ZNF716: variants seen among roughly 807,000 people sequenced by gnomAD.
ZNF716 encodes zinc finger protein 716.
In ZNF716, 9 loss-of-function variants were observed where a neutral mutation model predicts 13.4. That is an observed-to-expected ratio of 0.67 (90% CI 0.41 to 1.18). The LOEUF (loss-of-function observed/expected upper bound fraction) is 1.18, where lower values mean the gene tolerates loss of function less well. Ranked by LOEUF, ZNF716 falls within the 50% of genes most tolerant of loss-of-function variation. The pLI, the probability that ZNF716 is intolerant of heterozygous loss-of-function variation, is 0.01. For missense variants in ZNF716, 581 were observed against 576.6 expected, an observed-to-expected ratio of 1.01 and a Z score of -0.08; for synonymous variants, 186 against 195.2, an observed-to-expected ratio of 0.95 and a Z score of 0.39.
At chr7:57,464,518 C>G (rs868915118) in intron 3 of ZNF716, among the ~76,000 whole-genome samples, 1 of 151,964 alleles carries the variant, frequency 6.6e-6, no homozygotes, top group Non-Finnish European at 1.5e-5. Context: ...ATGTGATTTT[C>G]AAATATTGTC....
intron 3 of ZNF716, among the ~76,000 whole-genome samples, chr7:57,467,872 C>A (rs1320838815): frequency 5.3e-5 from 8 of 151,614 alleles, no homozygotes; most frequent in Non-Finnish European, 1.0e-4. Context: ...TATGGATTAT[C>A]TTATATTTTT....
rs781992666 is a variant in ZNF716, at chr7:57,468,935, G to A, written c.474G>A (p.Gln158=). The change falls in exon 4 of 4, where the codon CAG becomes CAA. Residue 158 remains glutamine (Q), a synonymous_variant. Transcript: ENST00000420713. ...CLSATQNKTF[Q]THKCVKVFGK... Reference sequence around the variant, plus strand: ...CAGCTACCCAAAACAAAACATTTCAGACTCATAAATGCGTCAAAGTCTTTG... The same window carrying A: ...CAGCTACCCAAAACAAAACATTTCAAACTCATAAATGCGTCAAAGTCTTTG... The A allele has an allele frequency of 1.2e-6, 2 of 1,611,482 alleles. No individual in the cohort carries two copies. The highest frequency in any genetic ancestry group is 3.4e-5 in the Admixed American group (2 of 59,374).
At position 57,470,002 on chromosome 7, in the gene ZNF716, G is replaced by A; in HGVS notation, c.*53G>A. ...ATAATACATAAAATAATTTATACTG[G>A]AAAAAATCACTACAAGTGTGGAGAA... On this transcript the variant is annotated 3_prime_UTR_variant, in exon 4 of 4. Coordinates refer to ENST00000420713, the MANE Select transcript of ZNF716 (RefSeq NM_001159279.1). The A allele has an allele frequency of 1.4e-6, 2 of 1,450,980 alleles. No homozygotes were observed. The allele number at this position is 1,450,980 out of a possible 1,614,324, so 89.9% of individuals were successfully genotyped here.
chr7:57,469,826 G>A lies in ZNF716; in HGVS notation c.1365G>A (p.Lys455=). The A allele has an allele frequency of 6.2e-7, 1 of 1,603,696 alleles. No individual in the cohort carries two copies. Among genetic ancestry groups the A allele is most frequent in the East Asian group, 2.3e-5 (1 of 44,354 alleles). The change falls in exon 4 of 4, where the codon AAG becomes AAA. Residue 455 remains lysine, a synonymous_variant. Transcript: ENST00000420713. Reference sequence around the variant, plus strand: ...TCTCCTCAACTCTAAATACTCATAAGAGGATTCATACTGGAGAGAAACCCT... The same window carrying A: ...TCTCCTCAACTCTAAATACTCATAAAAGGATTCATACTGGAGAGAAACCCT... ...FTFSSTLNTH[K]RIHTGEKPYK...
Position 57,450,230 on chromosome 7 carries a change from C to T in ZNF716, c.-59C>T. The T allele has an allele frequency of 6.2e-7, 1 of 1,611,840 alleles. No individual in the cohort carries two copies. Among genetic ancestry groups the T allele is most frequent in the Non-Finnish European group, 8.5e-7 (1 of 1,178,540 alleles). On this transcript the variant is annotated 5_prime_UTR_variant, in exon 1 of 4. Coordinates refer to ENST00000420713, the MANE Select transcript of ZNF716 (RefSeq NM_001159279.1). ...AGTCCTTCTCTTCACTGCTCTGCGTCCTCTGCTCCTGGAGGCCAAGCCTCT... is the reference window on the plus strand; with the variant it reads ...AGTCCTTCTCTTCACTGCTCTGCGTTCTCTGCTCCTGGAGGCCAAGCCTCT...
Position 57,469,063 on chromosome 7 carries a change from A to G in ZNF716, c.602A>G (p.Asn201Ser). 6.2e-7 allele frequency: 1 copy of G among 1,608,024 alleles called. No homozygotes were observed. Among genetic ancestry groups the G allele is most frequent in the Non-Finnish European group, 8.5e-7 (1 of 1,176,548 alleles). ...GKSFCMLSRL[N>S]QHQIIHTREK... ...TCATTTTGCATGCTTTCACGCCTAA[A>G]TCAACATCAGATAATTCATACTAGG... Residue 201 changes from asparagine (N) to serine (S), a missense_variant, in exon 4 of 4, where the codon AAT becomes AGT. Asn to Ser is a conservative substitution (Grantham distance 46, BLOSUM62 1). Coordinates refer to ENST00000420713, the MANE Select transcript of ZNF716 (RefSeq NM_001159279.1).
chr7:57,469,091 G>T lies in ZNF716; in HGVS notation c.630G>T (p.Glu210Asp), dbSNP rs1789868988. 1.9e-6 allele frequency: 3 copies of T among 1,608,390 alleles called. No homozygotes were observed. Among genetic ancestry groups the T allele is most frequent in the South Asian group, 1.1e-5 (1 of 90,652 alleles). Residue 210 changes from glutamate to aspartate, a missense_variant, in exon 4 of 4, where the codon GAG becomes GAT. Transcript: ENST00000420713. ...AACATCAGATAATTCATACTAGGGA[G>T]AAGTCTTACAAATGTGAAGAATGTG... ...LNQHQIIHTR[E>D]KSYKCEECGK...
intron 1 of ZNF716, among the ~76,000 whole-genome samples, chr7:57,453,426 G>T (rs1272049094): frequency 6.6e-5 from 10 of 152,124 alleles, no homozygotes; most frequent in Non-Finnish European, 1.2e-4. Context: ...CACTTCTTTC[G>T]ACTTAAGTTA....
Position 57,470,028 on chromosome 7 carries a change from T to G in ZNF716, c.*79T>G. 1 of 1,356,624 alleles carries G rather than the reference T, an allele frequency of 7.4e-7. No homozygotes were observed. Among genetic ancestry groups the G allele is most frequent in the Non-Finnish European group, 9.9e-7 (1 of 1,014,218 alleles). 84.0% of individuals were successfully genotyped at this position (1,356,624 alleles called of 1,614,324 possible). On this transcript the variant is annotated 3_prime_UTR_variant, in exon 4 of 4. Coordinates refer to ENST00000420713, the MANE Select transcript of ZNF716 (RefSeq NM_001159279.1). ...AAAAAATCACTACAAGTGTGGAGAA[T>G]GTGGCCAATTCTTTAACCAGTTCCA...
In ZNF716 at chr7:57,468,751, T is replaced by A; in HGVS notation, c.290T>A (p.Leu97His). Residue 97 changes from leucine to histidine, a missense_variant, in exon 4 of 4, where the codon CTT becomes CAT. Transcript: ENST00000420713. ...ACATGTTCTCATTTCACCCAAGACCTTCAGTCAGAGCAGGGCATAAAAGAT... is the reference window on the plus strand; with the variant it reads ...ACATGTTCTCATTTCACCCAAGACCATCAGTCAGAGCAGGGCATAAAAGAT... ...PVTCSHFTQD[L>H]QSEQGIKDSL... 1 of 1,611,594 alleles carries A rather than the reference T, an allele frequency of 6.2e-7. No individual in the cohort carries two copies. Among genetic ancestry groups the A allele is most frequent in the Non-Finnish European group, 8.5e-7 (1 of 1,179,276 alleles).
chr7:57,466,755 T>C (rs1394122047), intron 3 of ZNF716, among the ~76,000 whole-genome samples: 2 of 152,092 alleles, frequency 1.3e-5, no homozygotes, highest in South Asian at 2.1e-4. Flanking sequence ...GTTCTTCTGA[T>C]TTTCTGTTTT....
In ZNF716 at chr7:57,471,325, G is replaced by C. The variant is rs1789931858; in HGVS notation, c.*1376G>C. ...AGCTACTCAGGAGGCTGAAGCAGGAGAATTGCTTGAACCCAGGTGGTGGAG... is the reference window on the plus strand; with the variant it reads ...AGCTACTCAGGAGGCTGAAGCAGGACAATTGCTTGAACCCAGGTGGTGGAG... On this transcript the variant is annotated 3_prime_UTR_variant, in exon 4 of 4. Transcript: ENST00000420713. The C allele has an allele frequency of 6.6e-6, 1 of 151,654 alleles. No homozygotes were observed. Among genetic ancestry groups the C allele is most frequent in the Non-Finnish European group, 1.5e-5 (1 of 68,022 alleles). The allele number at this position is 151,654 out of a possible 1,614,324, so 9.4% of individuals were successfully genotyped here. A position where few individuals can be genotyped will look rare whatever the true frequency, so the allele number is the denominator to read the frequency against.
At position 57,466,269 on chromosome 7, in the gene ZNF716, G is replaced by A. The variant is rs536272311; in HGVS notation, c.263-2455G>A. On this transcript the variant is annotated intron_variant, in intron 3 of 3. Transcript: ENST00000420713. ...AAAAAAGAATATTGTGTGTCCAACC[G>A]CAATATTGACTGGGGAGTTCTGCAT... 7.9e-5 allele frequency among the ~76,000 whole-genome samples: 12 copies of A among 152,094 alleles called. No homozygotes were observed. The East Asian group carries it at 1.4e-3, about 17-fold the overall frequency.
intron 3 of ZNF716, among the ~76,000 whole-genome samples, chr7:57,464,122 CT>C (rs71065117): frequency 0.27 from 33,706 of 125,162 alleles, 3,966 homozygotes; most frequent in South Asian, 0.31. Context: ...TTTCTTTTTT[CT>C]TTTTTTTTTT....
At chr7:57,464,493 AAGTGTTGTTATC>A (rs1789770787) in intron 3 of ZNF716, among the ~76,000 whole-genome samples, 1 of 8,298 alleles carries the variant, frequency 1.2e-4, no homozygotes, top group South Asian at 3.5e-3. Context: ...TCTCAATATT[AAGTGTTGTTATC>A]ACATGTGATT....
At chr7:57,464,115 C>CTTTTTTTTTTTTTTTTTTTTTTTTTT (rs782745508) in intron 3 of ZNF716, among the ~76,000 whole-genome samples, 1 of 110,238 alleles carries the variant, frequency 9.1e-6, no homozygotes, top group Non-Finnish European at 1.7e-5. Flanking sequence ...TTGTCCATTT[C>CTTTTTTTTTTTTTTTTTTTTTTTTTT]TTTTTTCTTT....
chr7:57,465,489 A>G (rs1789789434), intron 3 of ZNF716, among the ~76,000 whole-genome samples: 1 of 152,068 alleles, frequency 6.6e-6, no homozygotes, highest in South Asian at 2.1e-4. Context: ...AGTAGCTGGC[A>G]CTACAGACAT....
rs1789882790 is a variant in ZNF716, at chr7:57,469,492, T to C, written c.1031T>C (p.Ile344Thr). The C allele has an allele frequency of 6.2e-7, 1 of 1,611,984 alleles. No homozygotes were observed. The highest frequency in any genetic ancestry group is 1.1e-5 in the South Asian group (1 of 90,982). Residue 344 changes from isoleucine (I) to threonine (T), a missense_variant, in exon 4 of 4, where the codon ATA (isoleucine) becomes ACA (threonine). Physicochemically the swap from Ile to Thr is moderately conservative, Grantham distance 89. Transcript: ENST00000420713. The stretch of plus-strand genomic sequence containing the variant: ...TCCTCAACCCTTAAGAAACATAAGA[T>C]AGTTCATACTGGGGAGAAACTCTAC... The part of the protein sequence containing the change: ...SLSSTLKKHK[I>T]VHTGEKLYTC...
In ZNF716 at chr7:57,471,164, C is replaced by T. The variant is rs1281586093; in HGVS notation, c.*1215C>T. The T allele has an allele frequency of 6.6e-6, 1 of 152,066 alleles. No homozygotes were observed. Among genetic ancestry groups the T allele is most frequent in the African/African-American group, 2.4e-5 (1 of 41,426 alleles). The allele number at this position is 152,066 out of a possible 1,614,324, so 9.4% of individuals were successfully genotyped here. The stretch of plus-strand genomic sequence containing the variant: ...AGATGTGGTGGCTCATGCCTGTAAT[C>T]CCAGCACTTTGGGAGCTCATGGCAG... On this transcript the variant is annotated 3_prime_UTR_variant, in exon 4 of 4. Transcript: ENST00000420713.
Sources: allele counts gnomAD v4.1 joint callset (sites outside exome capture counted in the v4.1 genomes callset), GRCh38; gene constraint gnomAD v4.1.1; transcripts MANE v1.5; gene names NCBI Gene and HGNC (gene_info 2026-07-23, HGNC 2026-07-21).